The following BDNF variants were observed in gnomAD, a reference collection of about 807,000 sequenced individuals.
BDNF encodes the protein neurotrophic factor BDNF precursor form.
In BDNF, 1 loss-of-function variant was observed where a neutral mutation model predicts 19.5. The observed-to-expected ratio is 0.05, with a 90% CI of 0.02 to 0.24. The LOEUF (loss-of-function observed/expected upper bound fraction) is 0.24, where lower values mean the gene tolerates loss of function less well. BDNF is among the 10% of genes least tolerant of loss of function. The probability of loss-of-function intolerance (pLI) is 1.00; values close to 1 mark genes in which losing one functional copy is unlikely to be tolerated. For missense variants in BDNF, 195 were observed against 317.6 expected, an observed-to-expected ratio of 0.61 and a Z score of 2.93; for synonymous variants, 100 against 121.6, an observed-to-expected ratio of 0.82 and a Z score of 1.17.
chr11:27,656,765 A>G lies in BDNF; in HGVS notation c.*1056T>C. 3 of 985,316 alleles carry G rather than the reference A, an allele frequency of 3.0e-6. No individual in the cohort carries two copies. Among genetic ancestry groups the G allele is most frequent in the Non-Finnish European group, 3.6e-6 (3 of 829,894 alleles). The allele number at this position is 985,316 out of a possible 1,614,324, so 61.0% of individuals were successfully genotyped here. ...ATTTACCCAAATGTTCACTCCTCAT[A>G]AAAAATAATCTTCATTTTGGGGTTA... On this transcript the variant is annotated 3_prime_UTR_variant, in exon 2 of 2. Coordinates refer to ENST00000356660, the MANE Select transcript of BDNF (RefSeq NM_001709.5).
intron 1 of BDNF, among the ~76,000 whole-genome samples, chr11:27,714,734 A>C (rs74435097): frequency 6.6e-6 from 1 of 152,174 alleles, no homozygotes; most frequent in Non-Finnish European, 1.5e-5. Flanking sequence ...ACTGCAAGAA[A>C]TAGTTATAGA....
chr11:27,669,498 T>G (rs2133876799), intron 1 of BDNF, among the ~76,000 whole-genome samples: 1 of 152,226 alleles, frequency 6.6e-6, no homozygotes, highest in East Asian at 1.9e-4. Context: ...GATTGTATAT[T>G]TAGAAAACCC....
At chr11:27,694,394 G>C (rs1156628908) in intron 1 of BDNF, among the ~76,000 whole-genome samples, 1 of 152,054 alleles carries the variant, frequency 6.6e-6, no homozygotes, top group African/African-American at 2.4e-5. Flanking sequence ...TGAAGTTTCT[G>C]TCTACATCAC....
At chr11:27,683,892 T>C (rs1231212939) in intron 1 of BDNF, among the ~76,000 whole-genome samples, 9 of 152,168 alleles carry the variant, frequency 5.9e-5, no homozygotes, top group African/African-American at 2.2e-4. Flanking sequence ...ATACGGGCTG[T>C]TTTTTGGTTC....
Position 27,657,292 on chromosome 11 carries a change from A to G in BDNF, c.*529T>C. 1 of 987,796 alleles carries G rather than the reference A, an allele frequency of 1.0e-6. No homozygotes were observed. Among genetic ancestry groups the G allele is most frequent in the Non-Finnish European group, 1.2e-6 (1 of 831,258 alleles). The allele number at this position is 987,796 out of a possible 1,614,324, so 61.2% of individuals were successfully genotyped here. Reference sequence around the variant, plus strand: ...AACAAAAATATACCCCCCATCCCCCATCCCCTAAGCCAGTAAAGCAATGAC... The same window carrying G: ...AACAAAAATATACCCCCCATCCCCCGTCCCCTAAGCCAGTAAAGCAATGAC... On this transcript the variant is annotated 3_prime_UTR_variant, in exon 2 of 2. Transcript: ENST00000356660. The surrounding 1 kb of genome is among the most constrained non-coding windows in gnomAD (Gnocchi z 5.0).
intron 1 of BDNF, chr11:27,699,715 A>C (rs1241928462): frequency 3.7e-6 from 5 of 1,366,018 alleles, no homozygotes; most frequent in East Asian, 2.8e-5. Flanking sequence ...CTTCCCTCCC[A>C]CTCCCCCCGC....
intron 1 of BDNF, among the ~76,000 whole-genome samples, chr11:27,682,810 G>A (rs185660845): frequency 6.6e-6 from 1 of 152,072 alleles, no homozygotes; most frequent in Non-Finnish European, 1.5e-5. Context: ...GTCTATCATT[G>A]ATGGGCATTC....
intron 1 of BDNF, chr11:27,698,008 T>G (rs1859327733): frequency 6.6e-6 from 1 of 152,104 alleles, no homozygotes. Flanking sequence ...TACATAATGC[T>G]TTTAGTGTCA....
At chr11:27,711,990 C>T (rs1461395957) in intron 1 of BDNF, among the ~76,000 whole-genome samples, 1 of 152,108 alleles carries the variant, frequency 6.6e-6, no homozygotes, top group Non-Finnish European at 1.5e-5. Context: ...TAAAGATAAA[C>T]GTTAGAGTAA....
intron 1 of BDNF, among the ~76,000 whole-genome samples, chr11:27,708,215 T>G (rs1232878572): frequency 6.6e-6 from 1 of 152,250 alleles, no homozygotes; most frequent in East Asian, 1.9e-4. Context: ...TTTGTCCCTT[T>G]ATGTTCATAC....
At chr11:27,714,959 G>A (rs981648472) in intron 1 of BDNF, among the ~76,000 whole-genome samples, 3 of 151,994 alleles carry the variant, frequency 2.0e-5, no homozygotes, top group Admixed American at 6.6e-5. Flanking sequence ...TGAGTCCAGA[G>A]GTCTGTCCCC....
At chr11:27,680,479 C>T (rs947957696) in intron 1 of BDNF, among the ~76,000 whole-genome samples, 7 of 152,276 alleles carry the variant, frequency 4.6e-5, no homozygotes, top group African/African-American at 4.8e-5. Context: ...AAATCATAAC[C>T]CATTTATGGA....
rs1852842557 is a variant in BDNF, at chr11:27,658,381, T to C, written c.184A>G (p.Thr62Ala). 6.2e-7 allele frequency: 1 copy of C among 1,614,180 alleles called. No homozygotes were observed. The highest frequency in any genetic ancestry group is 8.5e-7 in the Non-Finnish European group (1 of 1,180,024). The stretch of plus-strand genomic sequence containing the variant: ...AGCTCTTCTATCACGTGTTCGAAAG[T>C]GTCAGCCAATGATGTCAAGCCTCTT... Reference protein sequence around the residue: ...GSRGLTSLADTFEHVIEELLD... With the variant: ...GSRGLTSLADAFEHVIEELLD... Residue 62 changes from threonine to alanine, a missense_variant, in exon 2 of 2, where the codon ACT becomes GCT. This residue lies in a region of BDNF where 124 missense variants were observed against 155.0 expected (regional missense o/e 0.80). Transcript: ENST00000356660. The surrounding 1 kb of genome is among the most constrained non-coding windows in gnomAD (Gnocchi z 5.7).
At chr11:27,716,952 G>C (rs527824917) in intron 1 of BDNF, among the ~76,000 whole-genome samples, 10 of 152,252 alleles carry the variant, frequency 6.6e-5, no homozygotes, top group African/African-American at 2.4e-4. Flanking sequence ...CCTCATTTCT[G>C]TTTCTTGGCT....
intron 1 of BDNF, among the ~76,000 whole-genome samples, chr11:27,713,204 G>A (rs1276201632): frequency 6.6e-6 from 1 of 152,164 alleles, no homozygotes; most frequent in Non-Finnish European, 1.5e-5. Flanking sequence ...GGGCATCAGA[G>A]CAATTCTTAA....
chr11:27,662,152 C>G (rs983770921), intron 1 of BDNF, among the ~76,000 whole-genome samples: 13 of 152,272 alleles, frequency 8.5e-5, no homozygotes, highest in African/African-American at 2.4e-5. Context: ...AGGCGCCCAC[C>G]ACCATGCCCG....
chr11:27,685,485 G>A (rs12801337), intron 1 of BDNF, among the ~76,000 whole-genome samples: 27,290 of 152,006 alleles, frequency 0.18, 3,120 homozygotes, highest in East Asian at 0.47. Context: ...CTTTAATTGT[G>A]ATGTTAGAGT....
rs547324985 is a variant in BDNF at position 27,655,111 on chromosome 11, C to A, written c.*2710G>T. On this transcript the variant is annotated 3_prime_UTR_variant, in exon 2 of 2. Coordinates refer to ENST00000356660, the MANE Select transcript of BDNF (RefSeq NM_001709.5). The stretch of plus-strand genomic sequence containing the variant: ...TTTTACATGGTGAATAATATCTTTA[C>A]CATAGAGAGAACAAGGCCACAGACA... 2.0e-4 allele frequency: 30 copies of A among 151,918 alleles called. 1 individual carries two copies. The South Asian group carries it at 6.0e-3, about 31-fold the overall frequency. The allele number at this position is 151,918 out of a possible 1,614,324, so 9.4% of individuals were successfully genotyped here.
At position 27,657,987 on chromosome 11, in the gene BDNF, T is replaced by G. The variant is rs1709269520; in HGVS notation, c.578A>C (p.Lys193Thr). 1 of 1,614,052 alleles carries G rather than the reference T, an allele frequency of 6.2e-7. No homozygotes were observed. Among genetic ancestry groups the G allele is most frequent in the African/African-American group, 1.3e-5 (1 of 74,904 alleles). The change falls in exon 2 of 2, where the codon AAA becomes ACA. Residue 193 changes from lysine (K) to threonine (T), a missense_variant. Physicochemically the swap from Lys to Thr is moderately conservative, Grantham distance 78 (BLOSUM62 -1). Coordinates refer to ENST00000356660, the MANE Select transcript of BDNF (RefSeq NM_001709.5). This position sits in a 1 kb window ranked among gnomAD's most constrained non-coding sequence, Gnocchi z 5.0. ...ETKCNPMGYT[K>T]EGCRGIDKRH... is the part of the protein sequence containing the mutation. ...TTTGTCTATGCCCCTGCAGCCTTCT[T>G]TTGTGTAACCCATGGGATTGCACTT...
Sources: gnomAD v4.1 joint callset for allele counts (sites outside exome capture counted in the v4.1 genomes callset) on GRCh38, gnomAD v4.1.1 for gene constraint, gnomAD v4.1.1 regional missense constraint, Gnocchi (gnomAD v3.1) non-coding constraint, MANE v1.5 for transcripts, NCBI Gene and HGNC (gene_info 2026-07-23, HGNC 2026-07-21) for gene names.